SCFD1: variants seen among roughly 807,000 people sequenced by gnomAD.
SCFD1 encodes sec1 family domain-containing protein 1.
SCFD1 carries 37 observed loss-of-function variants against 103.2 expected under a neutral mutation model. The ratio of observed to expected loss-of-function variants is 0.36; its 90% CI spans 0.28 to 0.47. The LOEUF is 0.47. Ranked by LOEUF, SCFD1 falls within the 20% of genes least tolerant of loss-of-function variation. The probability of loss-of-function intolerance (pLI) is 1.00; values close to 1 mark genes in which losing one functional copy is unlikely to be tolerated. For synonymous variants in SCFD1, 264 were observed against 245.0 expected (o/e 1.08, Z -0.73); for missense variants, 639 against 761.2 (o/e 0.84, Z 1.89).
intron 10 of SCFD1, among the ~76,000 whole-genome samples, chr14:30,663,252 G>C (rs998510857): frequency 2.0e-5 from 3 of 152,052 alleles, no homozygotes; most frequent in South Asian, 2.1e-4. Flanking sequence ...ACTTTATTTT[G>C]AATGAGCTGT....
intron 14 of SCFD1, among the ~76,000 whole-genome samples, chr14:30,690,568 G>A (rs1185139844): frequency 2.9e-5 from 4 of 137,152 alleles, no homozygotes; most frequent in African/African-American, 6.2e-5. Flanking sequence ...GAAGTGACCC[G>A]ATTTTCCAGG....
intron 21 of SCFD1, among the ~76,000 whole-genome samples, chr14:30,720,465 T>G (rs1416038282): frequency 6.6e-6 from 1 of 152,194 alleles, no homozygotes; most frequent in Non-Finnish European, 1.5e-5. Flanking sequence ...ATTTTTTCCT[T>G]CCTTGCATTT....
chr14:30,670,507 T>C (rs890001839), intron 11 of SCFD1, 112 bp downstream of exon 11: 5 of 633,520 alleles, frequency 7.9e-6, no homozygotes, highest in Non-Finnish European at 1.3e-5. Flanking sequence ...GTTCACCCAA[T>C]GAGTGGGGGC....
At chr14:30,729,826 T>C (rs1893311230) in intron 23 of SCFD1, among the ~76,000 whole-genome samples, 1 of 152,178 alleles carries the variant, frequency 6.6e-6, no homozygotes. Context: ...TTCAATAATA[T>C]TTTGTAGTCT....
chr14:30,644,241 G>T (rs549722683), intron 7 of SCFD1, among the ~76,000 whole-genome samples: 1 of 152,166 alleles, frequency 6.6e-6, no homozygotes, highest in South Asian at 2.1e-4. Flanking sequence ...TGTTTATCCA[G>T]TCCACCCTTG....
At chr14:30,649,340 G>C (rs1001408057) in intron 7 of SCFD1, among the ~76,000 whole-genome samples, 188 bp from the exon 8 acceptor site, 3 of 151,896 alleles carry the variant, frequency 2.0e-5, no homozygotes, top group Non-Finnish European at 1.5e-5. Flanking sequence ...GGCTGTACTT[G>C]TACCCCCTAA....
At chr14:30,657,743 C>G (rs965227983) in intron 10 of SCFD1, among the ~76,000 whole-genome samples, 1 of 152,140 alleles carries the variant, frequency 6.6e-6, no homozygotes, top group African/African-American at 2.4e-5. Context: ...TTTTAAAACG[C>G]TTAATAATTA....
intron 10 of SCFD1, among the ~76,000 whole-genome samples, chr14:30,655,053 G>A (rs887728397): frequency 1.3e-5 from 2 of 152,166 alleles, no homozygotes; most frequent in African/African-American, 4.8e-5. Flanking sequence ...TAGCTTTCCT[G>A]TCTTTCTAGA....
rs542355226 is a variant in SCFD1 at position 30,625,103 on chromosome 14, T to TA, written c.61+2705dup. Among the ~76,000 whole-genome samples the TA allele has an allele frequency of 5.6e-4, 86 of 152,280 alleles. No homozygotes were observed. The East Asian group carries it at 7.7e-3, about 14-fold the overall frequency. ...TACTTTTTTTTTATTTTATTTTTTT[T>TA]ATCCCCCAATTAGAATGAAAGCTAC... On this transcript the variant is annotated intron_variant, in intron 1 of 24. Coordinates refer to ENST00000458591, the MANE Select transcript of SCFD1 (RefSeq NM_016106.4).
At chr14:30,648,526 G>A (rs1886076090) in intron 7 of SCFD1, among the ~76,000 whole-genome samples, 1 of 152,130 alleles carries the variant, frequency 6.6e-6, no homozygotes, top group African/African-American at 2.4e-5. Flanking sequence ...AAAACTAGCA[G>A]TCCCCAAACT....
At chr14:30,666,028 T>C (rs1027300020) in intron 10 of SCFD1, among the ~76,000 whole-genome samples, 1 of 152,090 alleles carries the variant, frequency 6.6e-6, no homozygotes, top group Non-Finnish European at 1.5e-5. Flanking sequence ...TTAACAAGGA[T>C]ATCCAGGAAT....
chr14:30,724,026 G>C (rs988545457), intron 23 of SCFD1, among the ~76,000 whole-genome samples: 1 of 146,068 alleles, frequency 6.8e-6, no homozygotes, highest in Non-Finnish European at 1.5e-5. Flanking sequence ...TTCCAAAAAG[G>C]GATGTGTATA....
chr14:30,693,161 A>G (rs1890441285), intron 14 of SCFD1, among the ~76,000 whole-genome samples: 1 of 152,200 alleles, frequency 6.6e-6, no homozygotes, highest in African/African-American at 2.4e-5. Context: ...GGAATCCTCT[A>G]CATGCTGATG....
At chr14:30,649,766 A>G (rs1412150570) in intron 8 of SCFD1, among the ~76,000 whole-genome samples, 183 bp downstream of exon 8, 2 of 152,222 alleles carry the variant, frequency 1.3e-5, no homozygotes, top group Non-Finnish European at 2.9e-5. Context: ...ATTTATTTCC[A>G]CACGAGAAAG....
chr14:30,642,288 G>A (rs953944546), intron 6 of SCFD1, among the ~76,000 whole-genome samples: 10 of 152,062 alleles, frequency 6.6e-5, no homozygotes, highest in African/African-American at 1.9e-4. Context: ...GGGTTTCACC[G>A]TGTTAGCCAG....
At chr14:30,688,768 A>G (rs992661718) in intron 14 of SCFD1, among the ~76,000 whole-genome samples, 1 of 54,824 alleles carries the variant, frequency 1.8e-5, no homozygotes, top group Non-Finnish European at 2.7e-5. Context: ...TCTTTATCCA[A>G]CTTGCCAGTC....
intron 7 of SCFD1, among the ~76,000 whole-genome samples, chr14:30,645,398 A>T (rs1885715274): frequency 6.6e-6 from 1 of 152,216 alleles, no homozygotes; most frequent in Non-Finnish European, 1.5e-5. Flanking sequence ...TGGTAGGAAT[A>T]GCACTGAATT....
At chr14:30,731,809 T>C (rs916470447) in intron 23 of SCFD1, among the ~76,000 whole-genome samples, 1 of 152,172 alleles carries the variant, frequency 6.6e-6, no homozygotes, top group African/African-American at 2.4e-5. Flanking sequence ...ACAGGGACAA[T>C]TTGACTTCCT....
At chr14:30,704,860 G>C (rs138615439) in intron 17 of SCFD1, among the ~76,000 whole-genome samples, 1,673 of 152,236 alleles carry the variant, frequency 0.011, 27 homozygotes, top group African/African-American at 0.038. Context: ...GCTAATTTTG[G>C]TTTTTAAATC....
Sources: allele counts gnomAD v4.1 joint callset (sites outside exome capture counted in the v4.1 genomes callset), GRCh38; gene constraint gnomAD v4.1.1; transcripts MANE v1.5; gene names NCBI Gene and HGNC (gene_info 2026-07-23, HGNC 2026-07-21).